EPB41: variants seen among roughly 807,000 people sequenced by gnomAD.
The protein encoded by EPB41 is protein 4.1.
Under a neutral mutation model 108.0 loss-of-function variants are expected in EPB41, and 65 were observed. That is an observed-to-expected ratio of 0.60 (90% CI 0.49 to 0.74). EPB41 has a LOEUF of 0.74. Among genes scored for constraint, EPB41 ranks in the 30% least tolerant of loss-of-function variants. The pLI is 0.00. For missense variants in EPB41, 875 were observed against 1,037.0 expected (o/e 0.84, Z 2.15); for synonymous variants, 336 against 358.9 (o/e 0.94, Z 0.72).
In EPB41 at chr1:28,902,536, G is replaced by C. The variant is rs144290113; in HGVS notation, c.-8+15326G>C. Among the ~76,000 whole-genome samples, 633 of 152,232 alleles carry C rather than the reference G, an allele frequency of 4.2e-3. 4 individuals carry two copies. The highest frequency in any genetic ancestry group is 0.015 in the African/African-American group (609 of 41,530). On this transcript the variant is annotated intron_variant, in intron 1 of 16. Transcript: ENST00000347529. ...CAGCTCGGGGTCCATGATTTAGGGAGACCAAGACAGAGGTGCCCAAAGCTA... is the reference window on the plus strand; with the variant it reads ...CAGCTCGGGGTCCATGATTTAGGGACACCAAGACAGAGGTGCCCAAAGCTA...
Position 29,039,407 on chromosome 1 carries a change from G to A in EPB41, c.1617G>A (p.Ala539=), listed in dbSNP as rs774015267. Residue 539 remains alanine, a synonymous_variant, in exon 11 of 21, where the codon GCG becomes GCA. Coordinates refer to ENST00000343067, the MANE Select transcript of EPB41 (RefSeq NM_001376013.1). ...TCGAGCGTACAGCAAGTAAACGGGCGTCCCGGAGCCTCGATGGAGGTTTGT... is the reference window on the plus strand; with the variant it reads ...TCGAGCGTACAGCAAGTAAACGGGCATCCCGGAGCCTCGATGGAGGTTTGT... The part of the protein sequence containing the change: ...PHFERTASKR[A]SRSLDGAAAV... 36 of 1,613,980 alleles carry A rather than the reference G, an allele frequency of 2.2e-5. No homozygotes were observed. The highest frequency in any genetic ancestry group is 3.3e-4 in the Middle Eastern group (2 of 6,032).
chr1:28,950,662 A>G (rs1228089265), intron 1 of EPB41, among the ~76,000 whole-genome samples: 2 of 152,210 alleles, frequency 1.3e-5, no homozygotes, highest in Non-Finnish European at 2.9e-5. Context: ...GGGTAACAGA[A>G]GAGCCATCTT....
In EPB41 at chr1:29,064,873, C is replaced by A. The variant is rs920717488; in HGVS notation, c.2008-109C>A. On this transcript the variant is annotated intron_variant, in intron 15 of 20. Transcript: ENST00000343067. ...TGAATGCAGATTAGTAACATCTGTCCTGGATGTGGTATGTTTTCTACCAGT... is the reference window on the plus strand; with the variant it reads ...TGAATGCAGATTAGTAACATCTGTCATGGATGTGGTATGTTTTCTACCAGT... The A allele has an allele frequency of 9.6e-6, 13 of 1,351,750 alleles. No individual in the cohort carries two copies. In the East Asian group the frequency reaches 3.1e-4, roughly 32 times the overall value. The allele number at this position is 1,351,750 out of a possible 1,614,324, so 83.7% of individuals were successfully genotyped here.
chr1:29,030,420 C>T lies in EPB41; in HGVS notation c.1145C>T (p.Ala382Val), dbSNP rs933837968. The change falls in exon 8 of 21, where the codon GCT becomes GTT. Residue 382 changes from alanine to valine, a missense_variant. Transcript: ENST00000343067. ...KSYRSMTPAQ[A>V]DLEFLENAKK... ...CAAAGGTCCATGACTCCAGCTCAGG[C>T]TGACTTGGAGTTTCTTGAGAATGCC... The T allele has an allele frequency of 3.1e-6, 5 of 1,613,878 alleles. No individual in the cohort carries two copies. In the African/African-American group the frequency reaches 6.7e-5, roughly 22 times the overall value.
intron 1 of EPB41, among the ~76,000 whole-genome samples, chr1:28,932,748 G>A (rs960952582): frequency 1.3e-5 from 2 of 152,084 alleles, no homozygotes; most frequent in African/African-American, 4.8e-5. Flanking sequence ...AAGACCATAT[G>A]CTCTGCAAAT....
intron 16 of EPB41, among the ~76,000 whole-genome samples, chr1:29,092,779 A>G (rs1390397194): frequency 1.3e-5 from 2 of 151,946 alleles, no homozygotes; most frequent in Non-Finnish European, 2.9e-5. Flanking sequence ...GTTAGGTCCC[A>G]CTTATAAGTG....
At chr1:29,001,745 C>T (rs1199632536) in intron 4 of EPB41, among the ~76,000 whole-genome samples, 1 of 152,160 alleles carries the variant, frequency 6.6e-6, no homozygotes, top group African/African-American at 2.4e-5. Flanking sequence ...TTTTGTATGA[C>T]TTTTGTTCGT....
At chr1:29,078,090 G>T (rs570734249) in intron 16 of EPB41, among the ~76,000 whole-genome samples, 1 of 152,106 alleles carries the variant, frequency 6.6e-6, no homozygotes, top group Admixed American at 6.6e-5. Context: ...GCCAGGTATG[G>T]TGGCGCACGC....
Position 29,018,147 on chromosome 1 carries a change from T to C in EPB41, c.906-77T>C. 7.7e-7 allele frequency: 1 copy of C among 1,302,882 alleles called. No individual in the cohort carries two copies. The highest frequency in any genetic ancestry group is 1.1e-6 in the Non-Finnish European group (1 of 906,236). 80.7% of individuals were successfully genotyped at this position (1,302,882 alleles called of 1,614,324 possible). A position where few individuals can be genotyped will look rare whatever the true frequency, so the allele number is the denominator to read the frequency against. ...TTTTCTCTCTCTCCCTTTCTGTTTC[T>C]CCCCTTTTCTCCTTTTTCTCTCTTT... On this transcript the variant is annotated intron_variant, in intron 6 of 20. Transcript: ENST00000343067. The surrounding 1 kb of genome is among the most constrained non-coding windows in gnomAD (Gnocchi z 4.4).
chr1:29,062,853 C>T (rs1210498708), intron 15 of EPB41, among the ~76,000 whole-genome samples: 1 of 152,038 alleles, frequency 6.6e-6, no homozygotes, highest in Non-Finnish European at 1.5e-5. Context: ...ACTCTGTGCC[C>T]CCACAGGTTT....
intron 1 of EPB41, among the ~76,000 whole-genome samples, chr1:28,922,501 T>C (rs959459759): frequency 4.0e-5 from 6 of 151,576 alleles, no homozygotes; most frequent in Admixed American, 2.0e-4. Flanking sequence ...GGGGCAATCA[T>C]GGCTTACTCT....
At chr1:29,106,714 C>G (rs1469101165) in intron 17 of EPB41, among the ~76,000 whole-genome samples, 3 of 150,770 alleles carry the variant, frequency 2.0e-5, no homozygotes, top group African/African-American at 7.3e-5. Flanking sequence ...GCTGGGACGA[C>G]AGGCGTTTGC....
In EPB41 at chr1:29,115,389, T is replaced by C. The variant is rs923440180; in HGVS notation, c.2497-310T>C. Among the ~76,000 whole-genome samples the C allele has an allele frequency of 4.6e-5, 7 of 151,730 alleles. No individual in the cohort carries two copies. The highest frequency in any genetic ancestry group is 8.8e-5 in the Non-Finnish European group (6 of 67,978). On this transcript the variant is annotated intron_variant, in intron 19 of 20. Transcript: ENST00000343067. This position sits in a 1 kb window ranked among gnomAD's most constrained non-coding sequence, Gnocchi z 4.4. ...GCCTGGGTGACGGAGCGAGACTCCA[T>C]CTCAACAACAACAAAAAATAAAAAA...
intron 1 of EPB41, among the ~76,000 whole-genome samples, chr1:28,916,307 TG>T (rs2092665186): frequency 6.6e-6 from 1 of 152,208 alleles, no homozygotes; most frequent in African/African-American, 2.4e-5. Flanking sequence ...TTCATACACC[TG>T]GGGAAACAAG....
chr1:29,025,879 T>G (rs972718789), intron 7 of EPB41, among the ~76,000 whole-genome samples: 2 of 150,646 alleles, frequency 1.3e-5, no homozygotes, highest in African/African-American at 5.0e-5. Context: ...GAGTCAGAGC[T>G]CAAGTGGATG....
At chr1:29,020,512 T>A (rs1416699080) in intron 7 of EPB41, among the ~76,000 whole-genome samples, 4 of 152,168 alleles carry the variant, frequency 2.6e-5, no homozygotes, top group Admixed American at 2.6e-4. Flanking sequence ...TTTTATTACC[T>A]AATAATTTAA....
At chr1:28,889,618 C>T (rs1260346309) in intron 1 of EPB41, among the ~76,000 whole-genome samples, 7 of 152,214 alleles carry the variant, frequency 4.6e-5, no homozygotes, top group Admixed American at 2.0e-4. Flanking sequence ...AAGATGCTGA[C>T]GCTGTGCAGG....
chr1:29,060,353 G>GT (rs1646296595), intron 14 of EPB41, 69 bp from the exon 15 acceptor site: 3 of 1,522,436 alleles, frequency 2.0e-6, no homozygotes, highest in Non-Finnish European at 2.7e-6. Context: ...CCAATTTTCA[G>GT]TTTTTTCCCG....
chr1:29,010,089 C>A (rs1055165364), intron 4 of EPB41, among the ~76,000 whole-genome samples: 2 of 152,132 alleles, frequency 1.3e-5, no homozygotes, highest in Non-Finnish European at 2.9e-5. Flanking sequence ...GTAATCTCAG[C>A]ACTTTGGGAG....
Sources: allele counts gnomAD v4.1 joint callset (sites outside exome capture counted in the v4.1 genomes callset), GRCh38; gene constraint gnomAD v4.1.1; non-coding constraint Gnocchi (gnomAD v3.1); transcripts MANE v1.5; gene names NCBI Gene and HGNC (gene_info 2026-07-23, HGNC 2026-07-21).